The following LRP1B variants were observed in gnomAD, a reference collection of about 807,000 sequenced individuals.
LRP1B encodes the protein LDL receptor related protein 1B, also known as low-density lipoprotein receptor-related protein 1B.
LRP1B carries 217 observed loss-of-function variants against 556.6 expected under a neutral mutation model. The ratio of observed to expected loss-of-function variants is 0.39; its 90% CI spans 0.35 to 0.44. The LOEUF (loss-of-function observed/expected upper bound fraction) is 0.44. LRP1B is among the 20% of genes least tolerant of loss of function. The pLI is 1.00. For synonymous variants in LRP1B, 2,047 were observed against 1,865.8 expected (o/e 1.10, Z -2.50); for missense variants, 5,053 against 5,620.8 (o/e 0.90, Z 3.23).
intron 7 of LRP1B, among the ~76,000 whole-genome samples, chr2:141,103,908 C>A (rs1301544618): frequency 1.3e-5 from 2 of 151,900 alleles, no homozygotes; most frequent in Non-Finnish European, 2.9e-5. Flanking sequence ...TTTGTACCAA[C>A]CACATTTGGC....
intron 3 of LRP1B, among the ~76,000 whole-genome samples, chr2:141,309,386 T>A (rs1305256336): frequency 6.6e-6 from 1 of 152,240 alleles, no homozygotes; most frequent in East Asian, 1.9e-4. Context: ...GAAGTGGATA[T>A]GTTTGATGCT....
At chr2:141,977,967 T>C (rs557851042) in intron 1 of LRP1B, among the ~76,000 whole-genome samples, 1 of 152,270 alleles carries the variant, frequency 6.6e-6, no homozygotes, top group South Asian at 2.1e-4. Context: ...AAGTATGACT[T>C]TTCCATATTG....
At chr2:141,706,954 T>C (rs1692164789) in intron 2 of LRP1B, among the ~76,000 whole-genome samples, 1 of 152,118 alleles carries the variant, frequency 6.6e-6, no homozygotes. Flanking sequence ...AGCCAAGGTA[T>C]ATACTGTACA....
intron 66 of LRP1B, among the ~76,000 whole-genome samples, chr2:140,395,509 G>T (rs1684208109): frequency 6.6e-6 from 1 of 152,188 alleles, no homozygotes; most frequent in Non-Finnish European, 1.5e-5. Flanking sequence ...TTCTTCTAGG[G>T]AAAGTGGACA....
intron 2 of LRP1B, among the ~76,000 whole-genome samples, chr2:141,556,871 C>T (rs1438779131): frequency 6.6e-6 from 1 of 151,728 alleles, no homozygotes; most frequent in Non-Finnish European, 1.5e-5. Flanking sequence ...CTCCAGGTCC[C>T]ATAGCAAGTA....
chr2:140,544,670 T>A (rs760038507), intron 43 of LRP1B, among the ~76,000 whole-genome samples: 134 of 152,252 alleles, frequency 8.8e-4, no homozygotes, highest in Middle Eastern at 3.4e-3. Context: ...TTTTTATGAT[T>A]GCATGGTATT....
In LRP1B at chr2:142,030,925, C is replaced by T. The variant is rs532110159; in HGVS notation, c.82+99723G>A. Reference sequence around the variant, plus strand: ...TTGAAATCCAAATGTTCCTCAGTCCCGTTGCAACCTATTTTTATCTCAGCT... The same window carrying T: ...TTGAAATCCAAATGTTCCTCAGTCCTGTTGCAACCTATTTTTATCTCAGCT... On this transcript the variant is annotated intron_variant, in intron 1 of 90. Coordinates refer to ENST00000389484, the MANE Select transcript of LRP1B (RefSeq NM_018557.3). 9.9e-5 allele frequency among the ~76,000 whole-genome samples: 15 copies of T among 151,970 alleles called. No individual in the cohort carries two copies. In the East Asian group the frequency reaches 2.3e-3, roughly 24 times the overall value.
chr2:140,929,161 TG>T (rs2105268028), intron 20 of LRP1B, among the ~76,000 whole-genome samples: 1 of 152,132 alleles, frequency 6.6e-6, no homozygotes, highest in East Asian at 1.9e-4. Context: ...AGATGCAAAA[TG>T]GGAGGCATAT....
intron 2 of LRP1B, among the ~76,000 whole-genome samples, chr2:141,489,232 C>A (rs1574005587): frequency 7.6e-6 from 1 of 131,038 alleles, no homozygotes; most frequent in East Asian, 2.3e-4. Context: ...AAGCAATCTG[C>A]TTGGCTTCAC....
chr2:140,286,151 T>C (rs537738885), intron 84 of LRP1B, among the ~76,000 whole-genome samples: 6 of 152,016 alleles, frequency 3.9e-5, no homozygotes, highest in Non-Finnish European at 5.9e-5. Context: ...GTTGAATTAA[T>C]AAATGAGCGC....
intron 41 of LRP1B, among the ~76,000 whole-genome samples, chr2:140,646,325 C>T (rs1419700265): frequency 2.0e-5 from 3 of 152,170 alleles, no homozygotes; most frequent in Non-Finnish European, 4.4e-5. Context: ...CATGTTTGAA[C>T]ATTAAAGAGA....
chr2:140,938,509 A>T (rs1036803735), intron 20 of LRP1B, among the ~76,000 whole-genome samples: 3 of 152,092 alleles, frequency 2.0e-5, no homozygotes, highest in Non-Finnish European at 4.4e-5. Flanking sequence ...TGAGTATGCA[A>T]TTGAGAGCAA....
chr2:141,185,685 AAC>A (rs1433799577), intron 7 of LRP1B, among the ~76,000 whole-genome samples: 2 of 77,806 alleles, frequency 2.6e-5, no homozygotes, highest in Non-Finnish European at 6.4e-5. Context: ...AAAACAAACA[AAC>A]AAAAAAAAAC....
At chr2:140,412,636 G>T (rs185279572) in intron 66 of LRP1B, among the ~76,000 whole-genome samples, 2 of 151,954 alleles carry the variant, frequency 1.3e-5, no homozygotes, top group African/African-American at 4.8e-5. Context: ...TTTTGAGAAC[G>T]TAATTGTACA....
chr2:141,254,504 G>T lies in LRP1B; in HGVS notation c.463+18C>A, dbSNP rs745896557. 1 of 1,610,022 alleles carries T rather than the reference G, an allele frequency of 6.2e-7. No homozygotes were observed. Among genetic ancestry groups the T allele is most frequent in the Non-Finnish European group, 8.5e-7 (1 of 1,177,534 alleles). The stretch of plus-strand genomic sequence containing the variant: ...GCCTCTATAAACAAAATTTGATGGC[G>T]TTATATGTTTTACTTACCTTTACAG... On this transcript the variant is annotated intron_variant, in intron 4 of 90. Coordinates refer to ENST00000389484, the MANE Select transcript of LRP1B (RefSeq NM_018557.3).
chr2:141,897,224 C>T (rs1699480667), intron 1 of LRP1B, among the ~76,000 whole-genome samples: 1 of 151,846 alleles, frequency 6.6e-6, no homozygotes, highest in South Asian at 2.1e-4. Flanking sequence ...AAAGGTCATT[C>T]AGGGAAAAGA....
chr2:141,728,125 T>C (rs1330764057), intron 2 of LRP1B, among the ~76,000 whole-genome samples: 1 of 151,876 alleles, frequency 6.6e-6, no homozygotes, highest in Non-Finnish European at 1.5e-5. Flanking sequence ...GGAGAGAAAA[T>C]AAGGAAGAGG....
Position 140,998,583 on chromosome 2 carries a change from C to T in LRP1B, c.2504-4448G>A, listed in dbSNP as rs185968194. On this transcript the variant is annotated intron_variant, in intron 15 of 90. Coordinates refer to ENST00000389484, the MANE Select transcript of LRP1B (RefSeq NM_018557.3). ...TAGTTGTGAGAGGATTTGACCATGA[C>T]GGACAAGATTCAAAAAGACAAAGAG... 1.4e-4 allele frequency among the ~76,000 whole-genome samples: 22 copies of T among 152,102 alleles called. No individual in the cohort carries two copies. The East Asian group carries it at 3.3e-3, about 23-fold the overall frequency.
chr2:141,521,200 T>C (rs1244386387), intron 2 of LRP1B, among the ~76,000 whole-genome samples: 1 of 152,166 alleles, frequency 6.6e-6, no homozygotes, highest in Non-Finnish European at 1.5e-5. Flanking sequence ...GTCTGACCCT[T>C]TATAAAACCC....
Sources: gnomAD v4.1 joint callset for allele counts (sites outside exome capture counted in the v4.1 genomes callset) on GRCh38, gnomAD v4.1.1 for gene constraint, MANE v1.5 for transcripts, NCBI Gene and HGNC (gene_info 2026-07-23, HGNC 2026-07-21) for gene names.